The following SLC2A11 variants were observed in gnomAD, a reference collection of about 807,000 sequenced individuals.
SLC2A11 encodes solute carrier family 2 member 11.
SLC2A11 carries 43 observed loss-of-function variants against 52.1 expected under a neutral mutation model. The ratio of observed to expected loss-of-function variants is 0.82; its 90% CI spans 0.65 to 1.06. The LOEUF is 1.06. Ranked by LOEUF, SLC2A11 falls within the 50% of genes least tolerant of loss-of-function variation. The probability of loss-of-function intolerance (pLI) is 0.00; values close to 1 mark genes in which losing one functional copy is unlikely to be tolerated. For missense variants in SLC2A11, 582 were observed against 654.2 expected (o/e 0.89, Z 1.20); for synonymous variants, 261 against 277.6 (o/e 0.94, Z 0.59).
upstream of SLC2A11, chr22:23,857,509 C>A (rs1160471414): frequency 7.4e-6 from 12 of 1,613,802 alleles, no homozygotes; most frequent in Non-Finnish European, 8.5e-6. Flanking sequence ...GAACTGGAGC[C>A]GTCCTTACGG....
intron 2 of SLC2A11, among the ~76,000 whole-genome samples, chr22:23,863,747 C>T (rs961882196): frequency 6.6e-6 from 1 of 151,870 alleles, no homozygotes; most frequent in Non-Finnish European, 1.5e-5. Flanking sequence ...CCTACCTCAG[C>T]CTCCCAAATA....
Position 23,877,171 on chromosome 22 carries a change from G to A in SLC2A11, c.545G>A (p.Arg182Lys), listed in dbSNP as rs1270860552. ...GTGATGGGACAGGTGGTCGGACTCA[G>A]GTAAGCACCCCTCCCCCACATGCAT... ...GIVMGQVVGL[R>K]ELLGGPQAWP... The change falls in exon 5 of 12, where the codon AGG becomes AAG. Residue 182 changes from arginine (R) to lysine (K), a missense_variant and splice_region_variant. By Grantham distance (26) the Arg-to-Lys change is conservative. Coordinates refer to ENST00000316185, the MANE Select transcript of SLC2A11 (RefSeq NM_001024939.4). 1 of 1,607,750 alleles carries A rather than the reference G, an allele frequency of 6.2e-7. No individual in the cohort carries two copies. Among genetic ancestry groups the A allele is most frequent in the South Asian group, 1.1e-5 (1 of 90,450 alleles).
At chr22:23,864,763 C>T (rs2032197121) in intron 2 of SLC2A11, among the ~76,000 whole-genome samples, 1 of 152,210 alleles carries the variant, frequency 6.6e-6, no homozygotes, top group South Asian at 2.1e-4. Flanking sequence ...TTCCTAGGCT[C>T]AGAGGCTTCC....
chr22:23,884,923 C>T lies in SLC2A11; in HGVS notation c.*74C>T, dbSNP rs1345649883. On this transcript the variant is annotated 3_prime_UTR_variant, in exon 12 of 12. Coordinates refer to ENST00000316185, the MANE Select transcript of SLC2A11 (RefSeq NM_001024939.4). The surrounding 1 kb of genome is among the most constrained non-coding windows in gnomAD (Gnocchi z 4.3). ...CTTCCTGCCAGGGCCCTGGTCCTCA[C>T]TCCCTCCTGCATTCCTCATTTAAGG... The T allele has an allele frequency of 1.6e-6, 2 of 1,261,192 alleles. No individual in the cohort carries two copies. Among genetic ancestry groups the T allele is most frequent in the African/African-American group, 1.5e-5 (1 of 67,368 alleles). The allele number at this position is 1,261,192 out of a possible 1,614,324, so 78.1% of individuals were successfully genotyped here.
In SLC2A11 at chr22:23,884,537, G is replaced by C; in HGVS notation, c.1299+108G>C. The C allele has an allele frequency of 6.5e-7, 1 of 1,547,132 alleles. No homozygotes were observed. The highest frequency in any genetic ancestry group is 8.7e-7 in the Non-Finnish European group (1 of 1,145,452). ...AGGGAGACTGAGACTGAAAGGGAGG[G>C]GTCTTAGGGGAGCAAAGAGGGGGGC... is the stretch of plus-strand genomic sequence containing the variant. On this transcript the variant is annotated intron_variant, in intron 11 of 11. Coordinates refer to ENST00000316185, the MANE Select transcript of SLC2A11 (RefSeq NM_001024939.4). This position sits in a 1 kb window ranked among gnomAD's most constrained non-coding sequence, Gnocchi z 4.3.
At chr22:23,857,495 G>C, upstream of SLC2A11, 1 of 1,613,910 alleles carries the variant, frequency 6.2e-7, no homozygotes, top group Non-Finnish European at 8.5e-7. Context: ...GGCGGATGGA[G>C]GATGAACTGG....
At chr22:23,869,005 G>A (rs901726378) in intron 3 of SLC2A11, 8 of 214,230 alleles carry the variant, frequency 3.7e-5, no homozygotes, top group South Asian at 1.3e-4. Flanking sequence ...AATCAAAAAT[G>A]TAATAGCTGG....
intron 2 of SLC2A11, among the ~76,000 whole-genome samples, chr22:23,862,553 G>T (rs1270780507): frequency 6.6e-6 from 1 of 151,704 alleles, no homozygotes; most frequent in African/African-American, 2.4e-5. Flanking sequence ...TTCTGGCCCA[G>T]CCTCCTCACT....
chr22:23,858,184 C>A, intron 1 of SLC2A11, 155 bp downstream of exon 1: 1 of 1,169,788 alleles, frequency 8.5e-7, no homozygotes, highest in Non-Finnish European at 1.3e-6. Context: ...AGGTGCTAGG[C>A]TCAGATGTGC....
chr22:23,884,195 C>T lies in SLC2A11; in HGVS notation c.1172-107C>T. The T allele has an allele frequency of 6.7e-7, 1 of 1,498,678 alleles. No individual in the cohort carries two copies. Among genetic ancestry groups the T allele is most frequent in the Non-Finnish European group, 8.9e-7 (1 of 1,124,062 alleles). 92.8% of individuals were successfully genotyped at this position (1,498,678 alleles called of 1,614,324 possible). ...CAGGAGGAGAGCACTGAGGGGCCCC[C>T]CATACAGACTGGGCCTGGGCTCCCA... On this transcript the variant is annotated intron_variant, in intron 10 of 11. Transcript: ENST00000316185. The surrounding 1 kb of genome is among the most constrained non-coding windows in gnomAD (Gnocchi z 4.3).
intron 4 of SLC2A11, among the ~76,000 whole-genome samples, chr22:23,876,294 C>T (rs1184950838): frequency 6.6e-6 from 1 of 152,156 alleles, no homozygotes; most frequent in East Asian, 1.9e-4. Context: ...CCCAAGTACC[C>T]ATCAGAGAAG....
chr22:23,881,837 C>G (rs2032804516), intron 6 of SLC2A11: 1 of 143,992 alleles, frequency 6.9e-6, no homozygotes, highest in South Asian at 2.1e-4. Context: ...AACACACACA[C>G]ACACAGACAC....
Position 23,883,814 on chromosome 22 carries a change from G to C in SLC2A11, c.1036G>C (p.Gly346Arg). 6.4e-7 allele frequency: 1 copy of C among 1,565,656 alleles called. No individual in the cohort carries two copies. The highest frequency in any genetic ancestry group is 8.6e-7 in the Non-Finnish European group (1 of 1,160,274). Reference protein sequence around the residue: ...ERVGRRVLLIGGYSLMTCWGS... With the variant: ...ERVGRRVLLIRGYSLMTCWGS... ...GGTGGGTCGGCGCGTGCTGCTCATC[G>C]GTGGGTACAGCCTGATGACCTGCTG... is the stretch of plus-strand genomic sequence containing the variant. The change falls in exon 9 of 12, where the codon GGT (glycine) becomes CGT (arginine). Residue 346 changes from glycine to arginine, a missense_variant. By Grantham distance (125) the Gly-to-Arg change is moderately radical (BLOSUM62 -2). Transcript: ENST00000316185.
chr22:23,857,128 GC>G (rs2031861503), upstream of SLC2A11: 1 of 1,237,320 alleles, frequency 8.1e-7, no homozygotes, highest in Non-Finnish European at 1.1e-6. Flanking sequence ...CAAGGGCTTG[GC>G]CCTCCGGAGA....
chr22:23,859,440 C>T (rs2031974008), intron 1 of SLC2A11, among the ~76,000 whole-genome samples: 1 of 152,240 alleles, frequency 6.6e-6, no homozygotes, highest in African/African-American at 2.4e-5. Flanking sequence ...TGTCTCTTTC[C>T]CAGCTGTATC....
intron 6 of SLC2A11, chr22:23,881,678 G>C (rs1384104767): frequency 6.5e-6 from 1 of 152,688 alleles, no homozygotes; most frequent in Non-Finnish European, 1.5e-5. Context: ...AGAAATGTCA[G>C]GGCAAGGAAG....
In SLC2A11 at chr22:23,882,812, G is replaced by C. The variant is rs1243122355; in HGVS notation, c.936G>C (p.Lys312Asn). 6.2e-7 allele frequency: 1 copy of C among 1,613,812 alleles called. No individual in the cohort carries two copies. The highest frequency in any genetic ancestry group is 8.5e-7 in the Non-Finnish European group (1 of 1,179,930). The change falls in exon 8 of 12, where the codon AAG becomes AAC. Residue 312 changes from lysine (K) to asparagine (N), a missense_variant. Coordinates refer to ENST00000316185, the MANE Select transcript of SLC2A11 (RefSeq NM_001024939.4). The stretch of plus-strand genomic sequence containing the variant: ...GGAAGGCAGGAGTGCCGGAAGCGAA[G>C]ATCCAGTACGCGATCATCGGGACTG... ...VFRKAGVPEA[K>N]IQYAIIGTGS... is the part of the protein sequence containing the mutation.
At chr22:23,877,340 A>C (rs931434409) in intron 5 of SLC2A11, 169 bp downstream of exon 5, 6 of 1,113,486 alleles carry the variant, frequency 5.4e-6, no homozygotes, top group South Asian at 2.6e-5. Flanking sequence ...AATGGGTATC[A>C]GTCAACACAC....
intron 2 of SLC2A11, chr22:23,865,531 G>A (rs1187101891): frequency 1.3e-5 from 2 of 152,342 alleles, no homozygotes; most frequent in East Asian, 3.8e-4. Context: ...GTCCTGCCCT[G>A]AGGCAGAAAG....
Sources: allele counts gnomAD v4.1 joint callset (sites outside exome capture counted in the v4.1 genomes callset), GRCh38; gene constraint gnomAD v4.1.1; non-coding constraint Gnocchi (gnomAD v3.1); transcripts MANE v1.5; gene names NCBI Gene and HGNC (gene_info 2026-07-23, HGNC 2026-07-21).